GRIA2: variants seen among roughly 807,000 people sequenced by gnomAD.
GRIA2 encodes glutamate receptor 2.
GRIA2 carries 14 observed loss-of-function variants against 97.3 expected under a neutral mutation model. The observed-to-expected ratio is 0.14, with a 90% CI of 0.10 to 0.23. The LOEUF is 0.23. Ranked by LOEUF, GRIA2 falls within the 10% of genes least tolerant of loss-of-function variation. The probability of loss-of-function intolerance (pLI) is 1.00; values close to 1 mark genes in which losing one functional copy is unlikely to be tolerated. For synonymous variants in GRIA2, 412 were observed against 387.8 expected, an observed-to-expected ratio of 1.06 and a Z score of -0.73; for missense variants, 558 against 1,069.8, an observed-to-expected ratio of 0.52 and a Z score of 6.67.
rs79163474 is a variant in GRIA2, at chr4:157,221,668, G to A, written c.90G>A (p.Gly30=). Residue 30 remains glycine (G), a splice_region_variant and synonymous_variant, in exon 2 of 16, where the codon GGG becomes GGA. Transcript: ENST00000264426. ...TTGCTTGCTGTTTGTTCTTTGCAGG[G>A]GGGCTATTTCCTAGGGGCGCCGATC... is the stretch of plus-strand genomic sequence containing the variant. ...FGVSSNSIQI[G]GLFPRGADQE... is the part of the protein sequence containing the mutation. The A allele has an allele frequency of 2.5e-6, 4 of 1,614,030 alleles. No individual in the cohort carries two copies. Among genetic ancestry groups the A allele is most frequent in the Non-Finnish European group, 3.4e-6 (4 of 1,179,932 alleles).
In GRIA2 at chr4:157,341,459, C is replaced by A; in HGVS notation, c.2040C>A (p.Phe680Leu). Residue 680 changes from phenylalanine (F) to leucine (L), a missense_variant, in exon 12 of 16, where the codon TTC becomes TTA. Physicochemically the swap from Phe to Leu is conservative, Grantham distance 22. Around this residue, in one of 8 missense-constraint regions of GRIA2, gnomAD observed 125 missense variants for 310.2 expected, o/e 0.40. Transcript: ENST00000264426. ...ACTCTGGCTCCACTAAAGAGTTTTT[C>A]AGGGTAAGAGATTCTGCTTTGTAGT... ...TLDSGSTKEF[F>L]RRSKIAVFDK... 2 of 1,593,712 alleles carry A rather than the reference C, an allele frequency of 1.3e-6. No individual in the cohort carries two copies. Among genetic ancestry groups the A allele is most frequent in the East Asian group, 2.2e-5 (1 of 44,714 alleles).
intron 12 of GRIA2, among the ~76,000 whole-genome samples, chr4:157,356,248 A>G (rs894858175): frequency 2.1e-5 from 3 of 145,650 alleles, no homozygotes; most frequent in African/African-American, 7.6e-5. Flanking sequence ...CGTGAAAAGC[A>G]GCATGTAGAT....
chr4:157,249,871 T>C (rs1437436849), intron 2 of GRIA2: 2 of 152,194 alleles, frequency 1.3e-5, no homozygotes, highest in East Asian at 3.8e-4. Flanking sequence ...CAACTGTTGC[T>C]GTGTCTTTCT....
At chr4:157,363,074 T>G in intron 15 of GRIA2, 27 bp downstream of exon 15, 1 of 1,580,026 alleles carries the variant, frequency 6.3e-7, no homozygotes, top group South Asian at 1.2e-5. Context: ...AATACAAACT[T>G]TTTAGTGCAC....
chr4:157,343,447 G>A (rs559577921), intron 12 of GRIA2, among the ~76,000 whole-genome samples: 93 of 151,818 alleles, frequency 6.1e-4, no homozygotes, highest in African/African-American at 2.0e-3. Context: ...ATTTTTCCTC[G>A]TGCAGCAAAA....
chr4:157,304,622 C>T (rs920835439), intron 3 of GRIA2, among the ~76,000 whole-genome samples: 18 of 151,966 alleles, frequency 1.2e-4, no homozygotes, highest in African/African-American at 4.1e-4. Context: ...AGAGAGTATC[C>T]GTAAATCAAA....
intron 12 of GRIA2, 114 bp from the exon 13 acceptor site, chr4:157,359,782 G>A: frequency 2.3e-6 from 2 of 855,694 alleles, no homozygotes; most frequent in Non-Finnish European, 3.7e-6. Context: ...GATGAGATTT[G>A]TTCATATTGT....
At chr4:157,240,148 C>T (rs181980387) in intron 2 of GRIA2, among the ~76,000 whole-genome samples, 3 of 152,174 alleles carry the variant, frequency 2.0e-5, no homozygotes, top group Non-Finnish European at 2.9e-5. Flanking sequence ...CATATACACA[C>T]GCACATATAA....
At chr4:157,246,159 T>C (rs539933889) in intron 2 of GRIA2, among the ~76,000 whole-genome samples, 76 of 152,240 alleles carry the variant, frequency 5.0e-4, no homozygotes, top group African/African-American at 1.8e-3. Context: ...TTCATATGGA[T>C]GACATACATT....
chr4:157,347,155 T>C (rs1269306012), intron 12 of GRIA2, among the ~76,000 whole-genome samples: 3 of 152,162 alleles, frequency 2.0e-5, no homozygotes, highest in Admixed American at 6.5e-5. Flanking sequence ...TAAGGAGATG[T>C]AGAAGAAGCC....
At chr4:157,221,312 T>G in intron 1 of GRIA2, 182 bp downstream of exon 1, 1 of 581,918 alleles carries the variant, frequency 1.7e-6, no homozygotes, top group Non-Finnish European at 3.0e-6. Context: ...GACTATGCCT[T>G]TGATACAATA....
Position 157,363,547 on chromosome 4 carries a change from CT to C in GRIA2, c.*118del. The C allele has an allele frequency of 2.4e-6, 3 of 1,235,946 alleles. No homozygotes were observed. The highest frequency in any genetic ancestry group is 2.0e-6 in the Non-Finnish European group (2 of 989,038). 76.6% of individuals were successfully genotyped at this position (1,235,946 alleles called of 1,614,324 possible). Reference sequence around the variant, plus strand: ...TTTCCCAAAGCAGTGCATGCTGTCCCTTACGTGAGTCCTGGCATGGGAATGA... The same window carrying C: ...TTTCCCAAAGCAGTGCATGCTGTCCCTACGTGAGTCCTGGCATGGGAATGA... On this transcript the variant is annotated 3_prime_UTR_variant, in exon 16 of 16. Transcript: ENST00000264426.
chr4:157,362,542 G>C (rs1160452506), intron 14 of GRIA2: 1 of 579,592 alleles, frequency 1.7e-6, no homozygotes, highest in Non-Finnish European at 3.2e-6. Flanking sequence ...CCAGGGAAAT[G>C]TTTAAGAAAT....
chr4:157,346,602 T>A (rs1735776155), intron 12 of GRIA2, among the ~76,000 whole-genome samples: 1 of 152,176 alleles, frequency 6.6e-6, no homozygotes, highest in South Asian at 2.1e-4. Context: ...AATAGACCCT[T>A]CATAGATCTG....
chr4:157,281,968 C>T (rs2126815511), intron 2 of GRIA2, among the ~76,000 whole-genome samples: 1 of 152,204 alleles, frequency 6.6e-6, no homozygotes, highest in South Asian at 2.1e-4. Context: ...TCAAAATGTC[C>T]TCAGCCAGAT....
intron 13 of GRIA2, among the ~76,000 whole-genome samples, chr4:157,360,361 C>G (rs1758495144): frequency 6.6e-6 from 1 of 151,956 alleles, no homozygotes; most frequent in African/African-American, 2.4e-5. Context: ...TGTTTTAAAA[C>G]ATATCCTTTT....
At chr4:157,275,528 C>T (rs1579323789) in intron 2 of GRIA2, among the ~76,000 whole-genome samples, 1 of 152,080 alleles carries the variant, frequency 6.6e-6, no homozygotes, top group Non-Finnish European at 1.5e-5. Context: ...TTTAATCCAT[C>T]TTGAATTAAT....
In GRIA2 at chr4:157,336,834, C is replaced by T. The variant is rs562075627; in HGVS notation, c.1844+87C>T. The T allele has an allele frequency of 1.3e-4, 160 of 1,252,172 alleles. No individual in the cohort carries two copies. The African/African-American group carries it at 2.1e-3, about 16-fold the overall frequency. 77.6% of individuals were successfully genotyped at this position (1,252,172 alleles called of 1,614,324 possible). The stretch of plus-strand genomic sequence containing the variant: ...TTATGGATTCACCCTAAAGAAGTTA[C>T]CAGCTGCCGACTTCCTGTCCAAGCA... On this transcript the variant is annotated intron_variant, in intron 11 of 15. Transcript: ENST00000264426.
At chr4:157,362,499 C>A in intron 14 of GRIA2, 1 of 514,056 alleles carries the variant, frequency 1.9e-6, no homozygotes, top group Non-Finnish European at 3.8e-6. Flanking sequence ...TGGAATATAA[C>A]TATTTATCAA....
Sources: allele counts gnomAD v4.1 joint callset (sites outside exome capture counted in the v4.1 genomes callset), GRCh38; gene constraint gnomAD v4.1.1; regional missense constraint gnomAD v4.1.1; transcripts MANE v1.5; gene names NCBI Gene and HGNC (gene_info 2026-07-23, HGNC 2026-07-21).